The following PPARGC1A variants were observed in gnomAD, a reference collection of about 807,000 sequenced individuals.
PPARGC1A encodes the protein PPARG coactivator 1 alpha.
PPARGC1A carries 25 observed loss-of-function variants against 88.7 expected under a neutral mutation model. The observed-to-expected ratio is 0.28, with a 90% CI of 0.21 to 0.39. The LOEUF (loss-of-function observed/expected upper bound fraction) is 0.39. Ranked by LOEUF, PPARGC1A falls within the 10% of genes least tolerant of loss-of-function variation. The pLI is 1.00. For missense variants in PPARGC1A, 880 were observed against 968.7 expected, an observed-to-expected ratio of 0.91 and a Z score of 1.22; for synonymous variants, 363 against 355.6, an observed-to-expected ratio of 1.02 and a Z score of -0.24.
At chr4:24,145,182 C>T in the PPARGC1A span, among the ~76,000 whole-genome samples, 3 of 151,786 alleles carry the variant, frequency 2.0e-5, no homozygotes, top group East Asian at 5.8e-4. Context: ...ATATTTCATC[C>T]TCATAACCGT....
the PPARGC1A span, among the ~76,000 whole-genome samples, chr4:24,451,800 T>C: frequency 6.6e-6 from 1 of 152,094 alleles, no homozygotes; most frequent in African/African-American, 2.4e-5. Context: ...ATGATCTCGA[T>C]CTCTTGACCT....
At chr4:24,038,933 G>A in the PPARGC1A span, among the ~76,000 whole-genome samples, 3 of 152,256 alleles carry the variant, frequency 2.0e-5, no homozygotes, top group Non-Finnish European at 2.9e-5. Context: ...TTCACCTCAC[G>A]TCACCACAGA....
chr4:23,889,155 C>T (rs568580284), intron 1 of PPARGC1A: 2 of 985,340 alleles, frequency 2.0e-6, no homozygotes, highest in East Asian at 1.1e-4. Context: ...TTTACACTAG[C>T]AGCGAGCAGC....
chr4:24,280,098 C>T, the PPARGC1A span, among the ~76,000 whole-genome samples: 1 of 152,190 alleles, frequency 6.6e-6, no homozygotes. Flanking sequence ...AGACACACGT[C>T]TCATCTTTAA....
chr4:24,260,583 T>C, the PPARGC1A span, among the ~76,000 whole-genome samples: 2 of 152,262 alleles, frequency 1.3e-5, no homozygotes, highest in South Asian at 2.1e-4. Flanking sequence ...ATGAGGATAA[T>C]AGTGAGTCCC....
chr4:24,242,997 C>A, the PPARGC1A span, among the ~76,000 whole-genome samples: 1 of 152,162 alleles, frequency 6.6e-6, no homozygotes, highest in African/African-American at 2.4e-5. Context: ...CAGAACCATG[C>A]CCCTTTTCCT....
chr4:24,171,148 A>C, the PPARGC1A span, among the ~76,000 whole-genome samples: 2 of 152,186 alleles, frequency 1.3e-5, no homozygotes, highest in Non-Finnish European at 2.9e-5. Flanking sequence ...GCGGTGGCTC[A>C]CGCCTGTAAT....
At chr4:24,102,668 AC>A in the PPARGC1A span, among the ~76,000 whole-genome samples, 30 of 152,164 alleles carry the variant, frequency 2.0e-4, 1 homozygote, top group African/African-American at 2.4e-4. Context: ...CTATCCGGGA[AC>A]TTTTGATTTC....
chr4:24,222,236 C>G, the PPARGC1A span, among the ~76,000 whole-genome samples: 2 of 152,216 alleles, frequency 1.3e-5, no homozygotes, highest in Admixed American at 1.3e-4. Context: ...TCCTCCAGGA[C>G]TCTTCATCAA....
the PPARGC1A span, among the ~76,000 whole-genome samples, chr4:24,195,680 A>T: frequency 1.5e-4 from 23 of 152,162 alleles, no homozygotes; most frequent in Non-Finnish European, 2.9e-4. Context: ...TGATATTGTC[A>T]AGCTTTTTTC....
At chr4:24,349,783 G>A in the PPARGC1A span, among the ~76,000 whole-genome samples, 3 of 152,152 alleles carry the variant, frequency 2.0e-5, no homozygotes, top group Admixed American at 1.3e-4. Flanking sequence ...AAGTCTGCAC[G>A]CCCAATTCAC....
At chr4:23,888,469 C>G (rs2148848198) in intron 1 of PPARGC1A, among the ~76,000 whole-genome samples, 1 of 152,260 alleles carries the variant, frequency 6.6e-6, no homozygotes. Context: ...ACAGTGCCAG[C>G]CAGACAACCA....
the PPARGC1A span, among the ~76,000 whole-genome samples, chr4:23,971,030 C>T: frequency 6.6e-6 from 1 of 152,164 alleles, no homozygotes; most frequent in East Asian, 1.9e-4. Flanking sequence ...GCATGATCTG[C>T]CAGACCTTTC....
At chr4:24,310,403 T>C in the PPARGC1A span, among the ~76,000 whole-genome samples, 2 of 152,220 alleles carry the variant, frequency 1.3e-5, no homozygotes, top group Admixed American at 1.3e-4. Context: ...TTGTTTTTGG[T>C]ATTTTGTCCA....
the PPARGC1A span, among the ~76,000 whole-genome samples, chr4:24,157,278 G>C: frequency 6.6e-6 from 1 of 152,164 alleles, no homozygotes; most frequent in African/African-American, 2.4e-5. Context: ...TTAAGATTCA[G>C]CTCTCAGCAT....
intron 2 of PPARGC1A, among the ~76,000 whole-genome samples, chr4:23,851,817 T>C (rs1729348628): frequency 6.6e-6 from 1 of 152,244 alleles, no homozygotes; most frequent in South Asian, 2.1e-4. Flanking sequence ...TGCTGTATGC[T>C]GTGTCTTACA....
chr4:24,283,377 C>A, the PPARGC1A span, among the ~76,000 whole-genome samples: 1 of 152,204 alleles, frequency 6.6e-6, no homozygotes, highest in African/African-American at 2.4e-5. Context: ...GGGGGTCATA[C>A]CACCTGCCCT....
the PPARGC1A span, among the ~76,000 whole-genome samples, chr4:23,917,378 T>C: frequency 1.0e-4 from 2 of 19,196 alleles, no homozygotes; most frequent in African/African-American, 1.2e-3. Context: ...CTTTCTTTCT[T>C]TTTTTTTTTT....
chr4:24,120,361 ACT>A, the PPARGC1A span, among the ~76,000 whole-genome samples: 1 of 151,992 alleles, frequency 6.6e-6, no homozygotes, highest in African/African-American at 2.4e-5. Flanking sequence ...AAAGACAATA[ACT>A]CTGCAAACTC....
Sources: allele counts gnomAD v4.1 joint callset (sites outside exome capture counted in the v4.1 genomes callset), GRCh38; gene constraint gnomAD v4.1.1; transcripts MANE v1.5; gene names NCBI Gene and HGNC (gene_info 2026-07-23, HGNC 2026-07-21).